Variants in GALNT1 observed in about 807,000 individuals in gnomAD.
GALNT1 encodes the protein GalNAc transferase 1.
Under a neutral mutation model 65.7 loss-of-function variants are expected in GALNT1, and 17 were observed. The ratio of observed to expected loss-of-function variants is 0.26; its 90% confidence interval spans 0.18 to 0.39. The LOEUF (loss-of-function observed/expected upper bound fraction) is 0.39. Among genes scored for constraint, GALNT1 ranks in the 10% least tolerant of loss-of-function variants. GALNT1 has a pLI of 1.00. For missense variants in GALNT1, 460 were observed against 672.8 expected (o/e 0.68, Z 3.50); for synonymous variants, 210 against 219.7 (o/e 0.96, Z 0.39).
At chr18:35,641,225 G>A (rs1358952139) in intron 1 of GALNT1, among the ~76,000 whole-genome samples, 1 of 152,180 alleles carries the variant, frequency 6.6e-6, no homozygotes, top group African/African-American at 2.4e-5. Context: ...TGGGAGGATT[G>A]CCTGAGCCCA....
chr18:35,587,490 G>A (rs1234551720), intron 1 of GALNT1, among the ~76,000 whole-genome samples: 1 of 152,124 alleles, frequency 6.6e-6, no homozygotes, highest in East Asian at 1.9e-4. Context: ...GATTTTCATG[G>A]ATGCTGTTTA....
intron 5 of GALNT1, among the ~76,000 whole-genome samples, chr18:35,684,400 A>G (rs560197439): frequency 2.0e-5 from 3 of 152,336 alleles, no homozygotes; most frequent in East Asian, 1.9e-4. Context: ...GGGCCAATCA[A>G]TGGGAAAGTA....
intron 1 of GALNT1, among the ~76,000 whole-genome samples, chr18:35,591,467 C>T (rs2046443490): frequency 6.6e-6 from 1 of 152,158 alleles, no homozygotes; most frequent in South Asian, 2.1e-4. Flanking sequence ...CTCTTTATAA[C>T]AAAATTAAAT....
chr18:35,603,496 T>C (rs2046607310), intron 1 of GALNT1, among the ~76,000 whole-genome samples: 1 of 152,202 alleles, frequency 6.6e-6, no homozygotes, highest in African/African-American at 2.4e-5. Flanking sequence ...GCAATTTTGG[T>C]AACATCACTT....
chr18:35,597,134 C>A (rs932366731), intron 1 of GALNT1: 7 of 152,158 alleles, frequency 4.6e-5, no homozygotes, highest in Non-Finnish European at 8.8e-5. Flanking sequence ...GATGATTGAA[C>A]CCAGTCTGTT....
Position 35,710,830 on chromosome 18 carries a change from T to G in GALNT1, c.*1060T>G, listed in dbSNP as rs1719533938. 6.6e-6 allele frequency: 1 copy of G among 152,660 alleles called. No homozygotes were observed. The highest frequency in any genetic ancestry group is 2.1e-4 in the South Asian group (1 of 4,832). The allele number at this position is 152,660 out of a possible 1,614,324, so 9.5% of individuals were successfully genotyped here. ...TTAACAAAAGGCCTGCAGAAGTGAT[T>G]TATTATTTGGGTATTTGGAGATAAT... On this transcript the variant is annotated 3_prime_UTR_variant, in exon 12 of 12. Coordinates refer to ENST00000269195, the MANE Select transcript of GALNT1 (RefSeq NM_020474.4).
chr18:35,583,242 C>G (rs1265830475), intron 1 of GALNT1, among the ~76,000 whole-genome samples: 1 of 152,184 alleles, frequency 6.6e-6, no homozygotes, highest in African/African-American at 2.4e-5. Flanking sequence ...TCAAGTAATG[C>G]AGAATGTGAA....
At chr18:35,645,886 G>A (rs903951621) in intron 1 of GALNT1, among the ~76,000 whole-genome samples, 3 of 152,074 alleles carry the variant, frequency 2.0e-5, no homozygotes, top group African/African-American at 7.3e-5. Flanking sequence ...TGAAGTTTTC[G>A]GTTGCTGAGT....
At chr18:35,671,295 C>T (rs2047631791) in intron 3 of GALNT1, among the ~76,000 whole-genome samples, 1 of 152,174 alleles carries the variant, frequency 6.6e-6, no homozygotes, top group African/African-American at 2.4e-5. Context: ...CAGCTGACTG[C>T]AGCCTCAACC....
At chr18:35,650,227 G>A (rs148376166) in intron 1 of GALNT1, among the ~76,000 whole-genome samples, 1,715 of 152,190 alleles carry the variant, frequency 0.011, 22 homozygotes, top group African/African-American at 0.035. Flanking sequence ...AGCAGGTTCC[G>A]TGATGCCCCC....
intron 1 of GALNT1, among the ~76,000 whole-genome samples, chr18:35,606,821 TTGTGTGTGTGTGTGTGTGTGTGTGTGTG>T (rs10526510): frequency 4.9e-4 from 67 of 135,666 alleles, no homozygotes; most frequent in Non-Finnish European, 1.6e-4. Context: ...TGTTGATGTT[TTGTGTGTGTGTGTGTGTGTGTGTGTGTG>T]TGTGTGTGTG....
chr18:35,639,944 C>T (rs968434958), intron 1 of GALNT1, among the ~76,000 whole-genome samples: 3 of 152,028 alleles, frequency 2.0e-5, no homozygotes, highest in Non-Finnish European at 4.4e-5. Context: ...TTACAGGTGC[C>T]TGCCACCACA....
chr18:35,690,043 A>AAGGTAGGAACACTGAATATTT (rs750297322), intron 7 of GALNT1, among the ~76,000 whole-genome samples: 66 of 152,292 alleles, frequency 4.3e-4, no homozygotes, highest in Admixed American at 2.9e-3. Context: ...GGAAAACTTG[A>AAGGTAGGAACACTGAATATTT]AGGTAGGAAC....
intron 1 of GALNT1, among the ~76,000 whole-genome samples, chr18:35,586,750 A>G (rs981574416): frequency 6.6e-6 from 1 of 152,308 alleles, no homozygotes; most frequent in South Asian, 2.1e-4. Flanking sequence ...AGTGGTGGGC[A>G]TGGGCATGGG....
intron 1 of GALNT1, among the ~76,000 whole-genome samples, chr18:35,617,915 C>A (rs2046805110): frequency 1.3e-5 from 2 of 152,074 alleles, no homozygotes; most frequent in Non-Finnish European, 2.9e-5. Flanking sequence ...AAAATTATTT[C>A]TCTCCCTTTC....
chr18:35,692,370 T>C lies in GALNT1; in HGVS notation c.1299+50T>C, dbSNP rs374848007. On this transcript the variant is annotated intron_variant, in intron 9 of 11. Transcript: ENST00000269195. Reference sequence around the variant, plus strand: ...CTATGTGGTTATTATGTTCTTACTTTTTTATTAAAAAAAAATAGGAGTTAG... The same window carrying C: ...CTATGTGGTTATTATGTTCTTACTTCTTTATTAAAAAAAAATAGGAGTTAG... 2.3e-3 allele frequency: 2,730 copies of C among 1,204,120 alleles called. 10 individuals carry two copies. Among genetic ancestry groups the C allele is most frequent in the Non-Finnish European group, 2.7e-3 (2,454 of 915,376 alleles). The allele number at this position is 1,204,120 out of a possible 1,614,324, so 74.6% of individuals were successfully genotyped here.
intron 9 of GALNT1, among the ~76,000 whole-genome samples, chr18:35,696,803 A>G (rs1366354139): frequency 1.3e-5 from 2 of 152,220 alleles, no homozygotes; most frequent in Non-Finnish European, 2.9e-5. Context: ...GTTAACCCCT[A>G]ATGTCCGTAT....
upstream of GALNT1, chr18:35,581,141 G>T (rs1333157693): frequency 6.6e-6 from 1 of 151,966 alleles, no homozygotes; most frequent in Non-Finnish European, 1.5e-5. Context: ...CCCCGCGCTC[G>T]GCCCGGGAGC....
intron 1 of GALNT1, among the ~76,000 whole-genome samples, chr18:35,640,488 A>T (rs924913119): frequency 1.3e-5 from 2 of 152,206 alleles, no homozygotes; most frequent in Non-Finnish European, 2.9e-5. Flanking sequence ...TATAGATTTA[A>T]AGATGCTTTT....
Sources: allele counts gnomAD v4.1 joint callset (sites outside exome capture counted in the v4.1 genomes callset), GRCh38; gene constraint gnomAD v4.1.1; transcripts MANE v1.5; gene names NCBI Gene and HGNC (gene_info 2026-07-23, HGNC 2026-07-21).